HROB: variants seen among roughly 807,000 people sequenced by gnomAD.
HROB encodes the protein homologous recombination factor with OB-fold, also known as homologous recombination OB-fold protein.
Under a neutral mutation model 61.0 loss-of-function variants are expected in HROB, and 44 were observed. The observed-to-expected ratio is 0.72, with a 90% confidence interval of 0.57 to 0.93. The LOEUF (loss-of-function observed/expected upper bound fraction) is 0.93. HROB is among the 40% of genes least tolerant of loss of function. The pLI, the probability that HROB is intolerant of heterozygous loss-of-function variation, is 0.00. For synonymous variants in HROB, 301 were observed against 310.4 expected, an observed-to-expected ratio of 0.97 and a Z score of 0.32; for missense variants, 716 against 796.2, an observed-to-expected ratio of 0.90 and a Z score of 1.21.
intron 6 of HROB, 28 bp downstream of exon 6, chr17:44,154,692 G>A (rs371887186): frequency 1.9e-6 from 3 of 1,610,774 alleles, no homozygotes; most frequent in Non-Finnish European, 1.7e-6. Flanking sequence ...AGGTTGTCTG[G>A]TGAGTGGGCT....
Position 44,145,702 on chromosome 17 carries a change from C to T in HROB, c.54+449C>T, listed in dbSNP as rs180805645. Among the ~76,000 whole-genome samples, 7 of 152,312 alleles carry T rather than the reference C, an allele frequency of 4.6e-5. No individual in the cohort carries two copies. In the East Asian group the frequency reaches 5.8e-4, roughly 13 times the overall value. Reference sequence around the variant, plus strand: ...TTTCTCTTCTACAATATGAGGGATGCTCTTCTGCCTCAGATGTTCTTCCCT... The same window carrying T: ...TTTCTCTTCTACAATATGAGGGATGTTCTTCTGCCTCAGATGTTCTTCCCT... On this transcript the variant is annotated intron_variant, in intron 2 of 9. Coordinates refer to ENST00000585683, the MANE Select transcript of HROB (RefSeq NM_001171251.3).
chr17:44,148,418 G>T lies in HROB; in HGVS notation c.615G>T (p.Leu205=), dbSNP rs1250929465. 6.2e-7 allele frequency: 1 copy of T among 1,614,118 alleles called. No individual in the cohort carries two copies. Among genetic ancestry groups the T allele is most frequent in the Admixed American group, 1.7e-5 (1 of 60,012 alleles). Residue 205 remains leucine, a synonymous_variant, in exon 3 of 10, where the codon CTG becomes CTT. Coordinates refer to ENST00000585683, the MANE Select transcript of HROB (RefSeq NM_001171251.3). The stretch of plus-strand genomic sequence containing the variant: ...CTAAAAAAGCCCGGGTAGTTGATCT[G>T]AGTGGATCTTGCCAGAAGGGGCCTG... ...VLAKKARVVD[L]SGSCQKGPVP...
chr17:44,154,770 G>A (rs2053920983), intron 6 of HROB, 83 bp from the exon 7 acceptor site: 2 of 1,590,634 alleles, frequency 1.3e-6, no homozygotes, highest in South Asian at 1.1e-5. Context: ...GAGGCAGTGA[G>A]CAGCCCACTT....
At chr17:44,145,173 T>A in intron 1 of HROB, 30 bp from the exon 2 acceptor site, 15 of 1,613,262 alleles carry the variant, frequency 9.3e-6, no homozygotes, top group Non-Finnish European at 1.3e-5. Context: ...ATGGTATTTC[T>A]CAACCCCAGT....
intron 2 of HROB, 75 bp from the exon 3 acceptor site, chr17:44,147,783 A>C: frequency 7.2e-7 from 1 of 1,382,544 alleles, no homozygotes; most frequent in South Asian, 1.3e-5. Context: ...CATACACGCC[A>C]TGTGCCTGAA....
intron 1 of HROB, 22 bp from the exon 2 acceptor site, chr17:44,145,180 CA>C (rs2053575508): frequency 6.2e-7 from 1 of 1,613,416 alleles, no homozygotes; most frequent in African/African-American, 1.3e-5. Flanking sequence ...TTCTCAACCC[CA>C]GTTGGTTTTT....
rs1271206964 is a variant in HROB, at chr17:44,148,912, A to G, written c.1109A>G (p.Asn370Ser). 3.7e-6 allele frequency: 6 copies of G among 1,613,852 alleles called. No homozygotes were observed. The African/African-American group carries it at 6.7e-5, about 18-fold the overall frequency. ...QGALQTPIVT[N>S]HLVQLVTAAS... Reference sequence around the variant, plus strand: ...GCTCTGCAGACACCCATAGTCACCAACCACCTGGTGCAGCTAGTCACTGCT... The same window carrying G: ...GCTCTGCAGACACCCATAGTCACCAGCCACCTGGTGCAGCTAGTCACTGCT... The change falls in exon 3 of 10, where the codon AAC (asparagine) becomes AGC (serine). Residue 370 changes from asparagine (N) to serine (S), a missense_variant. Coordinates refer to ENST00000585683, the MANE Select transcript of HROB (RefSeq NM_001171251.3).
chr17:44,154,181 A>C (rs1478632801), intron 5 of HROB, among the ~76,000 whole-genome samples: 1 of 151,980 alleles, frequency 6.6e-6, no homozygotes, highest in Non-Finnish European at 1.5e-5. Context: ...GTCTCTACTA[A>C]AAATACAAAA....
Position 44,148,922 on chromosome 17 carries a change from G to A in HROB, c.1119G>A (p.Val373=), listed in dbSNP as rs1375658649. 1.2e-6 allele frequency: 2 copies of A among 1,614,098 alleles called. No individual in the cohort carries two copies. The highest frequency in any genetic ancestry group is 1.1e-5 in the South Asian group (1 of 91,082). ...LQTPIVTNHL[V]QLVTAASRTP... is the part of the protein sequence containing the mutation. ...CACCCATAGTCACCAACCACCTGGT[G>A]CAGCTAGTCACTGCTGCCAGCCGGA... The change falls in exon 3 of 10, where the codon GTG becomes GTA. Residue 373 remains valine, a synonymous_variant. Coordinates refer to ENST00000585683, the MANE Select transcript of HROB (RefSeq NM_001171251.3).
chr17:44,153,879 C>G (rs114454121), intron 5 of HROB, among the ~76,000 whole-genome samples: 2,671 of 150,604 alleles, frequency 0.018, 81 homozygotes, highest in African/African-American at 0.061. Flanking sequence ...GTGAAACCCC[C>G]TCTATTGAAA....
At chr17:44,149,082 A>C in intron 3 of HROB, 55 bp downstream of exon 3, 2 of 1,498,020 alleles carry the variant, frequency 1.3e-6, no homozygotes, top group Non-Finnish European at 1.8e-6. Context: ...GCAGGGTTCC[A>C]GCACTGTCCA....
chr17:44,159,905 G>A (rs1256410950), intron 9 of HROB, among the ~76,000 whole-genome samples: 1 of 152,260 alleles, frequency 6.6e-6, no homozygotes, highest in Admixed American at 6.5e-5. Context: ...AGACGTTGAA[G>A]CCTCCAGATG....
intron 7 of HROB, 140 bp from the exon 8 acceptor site, chr17:44,155,146 G>A: frequency 1.5e-6 from 2 of 1,377,012 alleles, no homozygotes; most frequent in African/African-American, 1.4e-5. Flanking sequence ...TGTGTTAAGG[G>A]GAGATTGTGG....
Position 44,148,826 on chromosome 17 carries a change from A to C in HROB, c.1023A>C (p.Gln341His), listed in dbSNP as rs201288595. The change falls in exon 3 of 10, where the codon CAA becomes CAC. Residue 341 changes from glutamine (Q) to histidine (H), a missense_variant. By Grantham distance (24) the Gln-to-His change is conservative (BLOSUM62 0). Coordinates refer to ENST00000585683, the MANE Select transcript of HROB (RefSeq NM_001171251.3). ...SSGLFPRIPL[Q>H]PQAPVSSIGS... ...GATTATTTCCTCGGATACCCTTACA[A>C]CCGCAAGCTCCAGTGTCTTCCATTG... 6.2e-7 allele frequency: 1 copy of C among 1,613,986 alleles called. No homozygotes were observed. Among genetic ancestry groups the C allele is most frequent in the African/African-American group, 1.3e-5 (1 of 74,974 alleles).
intron 9 of HROB, among the ~76,000 whole-genome samples, chr17:44,158,505 A>G (rs1354783805): frequency 6.6e-6 from 1 of 152,128 alleles, no homozygotes; most frequent in African/African-American, 2.4e-5. Context: ...TATTTTTGCG[A>G]CAGGGTCTCA....
At chr17:44,151,325 A>AG (rs1457798634) in intron 4 of HROB, among the ~76,000 whole-genome samples, 1 of 152,016 alleles carries the variant, frequency 6.6e-6, no homozygotes, top group Non-Finnish European at 1.5e-5. Context: ...CCCCTGGGGG[A>AG]GGAGACTGTG....
In HROB at chr17:44,148,978, G is replaced by A. The variant is rs148903176; in HGVS notation, c.1175G>A (p.Arg392Gln). Residue 392 changes from arginine to glutamine, a missense_variant, in exon 3 of 10, where the codon CGA (arginine) becomes CAA (glutamine). Transcript: ENST00000585683. ...CAGCAGCCCACCCATCCCTCCACCC[G>A]AGCCAAAACTCGCCGTTTCCCTGGC... ...TPQQPTHPSTRAKTRRFPGPA... is the reference protein window; with the variant it reads ...TPQQPTHPSTQAKTRRFPGPA... 36 of 1,613,780 alleles carry A rather than the reference G, an allele frequency of 2.2e-5. No individual in the cohort carries two copies. The highest frequency in any genetic ancestry group is 3.3e-4 in the Middle Eastern group (2 of 6,084).
chr17:44,147,780 G>T, intron 2 of HROB, 78 bp from the exon 3 acceptor site: 2 of 1,356,056 alleles, frequency 1.5e-6, no homozygotes, highest in Non-Finnish European at 1.0e-6. Context: ...AAACATACAC[G>T]CCATGTGCCT....
At chr17:44,160,171 C>T (rs1320532111) in intron 9 of HROB, among the ~76,000 whole-genome samples, 1 of 152,270 alleles carries the variant, frequency 6.6e-6, no homozygotes, top group Non-Finnish European at 1.5e-5. Context: ...GTCTTCTGCT[C>T]ACTTCTCACA....
Sources: gnomAD v4.1 joint callset for allele counts (sites outside exome capture counted in the v4.1 genomes callset) on GRCh38, gnomAD v4.1.1 for gene constraint, MANE v1.5 for transcripts, NCBI Gene and HGNC (gene_info 2026-07-23, HGNC 2026-07-21) for gene names.